The following RBPMS variants were observed in gnomAD, a reference collection of about 807,000 sequenced individuals.
RBPMS encodes the protein RNA-binding protein with multiple splicing.
A neutral mutation model predicts 26.8 loss-of-function variants in RBPMS; 7 were observed. The observed-to-expected ratio is 0.26, with a 90% CI of 0.15 to 0.49. RBPMS has a LOEUF of 0.49. Ranked by LOEUF, RBPMS falls within the 20% of genes least tolerant of loss-of-function variation. The probability of loss-of-function intolerance (pLI) is 0.98; values close to 1 mark genes in which losing one functional copy is unlikely to be tolerated. For missense variants in RBPMS, 186 were observed against 250.0 expected (o/e 0.74, Z 1.73); for synonymous variants, 96 against 93.3 (o/e 1.03, Z -0.17).
Position 30,479,315 on chromosome 8 carries a change from C to A in RBPMS, c.184C>A (p.Pro62Thr). 2 of 1,605,814 alleles carry A rather than the reference C, an allele frequency of 1.2e-6. No homozygotes were observed. Among genetic ancestry groups the A allele is most frequent in the Non-Finnish European group, 1.7e-6 (2 of 1,176,348 alleles). The part of the protein sequence containing the change: ...GSLIKLTSKQ[P>T]VGFVSFDSRS... ...TCATATTTCTCTTTTTTTTTCTCAG[C>A]CTGTAGGTTTTGTCAGTTTTGACAG... Residue 62 changes from proline to threonine, a missense_variant and splice_region_variant, in exon 4 of 9, where the codon CCT becomes ACT. Pro to Thr is a conservative substitution (Grantham distance 38). This residue lies in a region of RBPMS where 50 missense variants were observed against 108.5 expected (regional missense o/e 0.46). Coordinates refer to ENST00000397323, the MANE Select transcript of RBPMS (RefSeq NM_001008710.3).
At chr8:30,468,528 C>T (rs1300493677) in intron 1 of RBPMS, among the ~76,000 whole-genome samples, 1 of 152,098 alleles carries the variant, frequency 6.6e-6, no homozygotes, top group African/African-American at 2.4e-5. Flanking sequence ...GAAATGCCAT[C>T]TTATTTTGCT....
chr8:30,483,231 C>T (rs1818455755), intron 4 of RBPMS, among the ~76,000 whole-genome samples: 1 of 152,134 alleles, frequency 6.6e-6, no homozygotes, highest in Non-Finnish European at 1.5e-5. Flanking sequence ...GGAAATTGGT[C>T]ATTACTTTAA....
At chr8:30,553,069 A>T (rs1826530429) in intron 6 of RBPMS, 1 of 152,284 alleles carries the variant, frequency 6.6e-6, no homozygotes, top group Non-Finnish European at 1.5e-5. Flanking sequence ...GGACCAAGTC[A>T]TACAAATCTT....
intron 1 of RBPMS, among the ~76,000 whole-genome samples, chr8:30,467,612 A>G (rs1291618287): frequency 2.6e-5 from 4 of 152,174 alleles, no homozygotes; most frequent in African/African-American, 9.7e-5. Context: ...TCCTGGGGCA[A>G]CCTTAGTCAC....
chr8:30,495,598 A>C (rs574590681), intron 4 of RBPMS, among the ~76,000 whole-genome samples: 1 of 152,330 alleles, frequency 6.6e-6, no homozygotes, highest in East Asian at 1.9e-4. Context: ...CAGGGCAAGC[A>C]CTGGGAGGTA....
intron 1 of RBPMS, among the ~76,000 whole-genome samples, chr8:30,429,927 CT>C (rs1239211676): frequency 6.6e-6 from 1 of 152,144 alleles, no homozygotes; most frequent in Non-Finnish European, 1.5e-5. Flanking sequence ...TGGAAAAATA[CT>C]TTTGATTATA....
chr8:30,556,507 T>A, intron 6 of RBPMS: 1 of 985,866 alleles, frequency 1.0e-6, no homozygotes, highest in South Asian at 4.7e-5. Flanking sequence ...CGGGCAGCCC[T>A]CCCCCTCCTG....
chr8:30,528,747 G>A (rs1194569961), intron 5 of RBPMS, among the ~76,000 whole-genome samples: 1 of 152,118 alleles, frequency 6.6e-6, no homozygotes, highest in Non-Finnish European at 1.5e-5. Context: ...GTCACATTTG[G>A]TAAGCTGCTC....
At chr8:30,545,535 T>C in intron 6 of RBPMS, 1 of 769,110 alleles carries the variant, frequency 1.3e-6, no homozygotes, top group Non-Finnish European at 1.6e-6. Flanking sequence ...TTTTTAAAAA[T>C]TATTAGGCTG....
intron 1 of RBPMS, among the ~76,000 whole-genome samples, chr8:30,423,792 GT>G (rs1307186320): frequency 1.3e-5 from 2 of 151,034 alleles, no homozygotes; most frequent in African/African-American, 4.9e-5. Flanking sequence ...TTTAAACTAG[GT>G]TTGTATTACA....
At chr8:30,545,068 G>A in intron 6 of RBPMS, 1 of 1,380,434 alleles carries the variant, frequency 7.2e-7, no homozygotes, top group Non-Finnish European at 9.4e-7. Flanking sequence ...ACGGTGAGAA[G>A]AATCTCTGAC....
chr8:30,516,599 G>C (rs1017960546), intron 5 of RBPMS, among the ~76,000 whole-genome samples: 2 of 152,022 alleles, frequency 1.3e-5, no homozygotes. Flanking sequence ...CACAATACCA[G>C]TTCCAAATGT....
intron 1 of RBPMS, among the ~76,000 whole-genome samples, chr8:30,452,281 C>A (rs770675697): frequency 5.3e-5 from 8 of 152,150 alleles, no homozygotes; most frequent in Admixed American, 1.3e-4. Context: ...TACGGGAGAA[C>A]TGGAAGCAAT....
chr8:30,425,142 C>T (rs11783338), intron 1 of RBPMS, among the ~76,000 whole-genome samples: 61,031 of 151,410 alleles, frequency 0.4, 14,336 homozygotes, highest in East Asian at 0.72. Flanking sequence ...GTTTTTGTAG[C>T]GACAAAGTCT....
intron 2 of RBPMS, 45 bp downstream of exon 2, chr8:30,474,901 C>T: frequency 8.0e-7 from 1 of 1,256,484 alleles, no homozygotes; most frequent in Non-Finnish European, 1.2e-6. Context: ...AGACAAAAGT[C>T]TGTATGCTTT....
At chr8:30,478,553 G>A (rs1817939678) in intron 3 of RBPMS, among the ~76,000 whole-genome samples, 1 of 149,406 alleles carries the variant, frequency 6.7e-6, no homozygotes, top group Non-Finnish European at 1.5e-5. Context: ...AGGCTGGAGT[G>A]CAGTGGCGCG....
chr8:30,532,485 G>A (rs114261989), intron 5 of RBPMS, among the ~76,000 whole-genome samples: 1 of 152,142 alleles, frequency 6.6e-6, no homozygotes, highest in East Asian at 1.9e-4. Flanking sequence ...TAATGAACTA[G>A]GTGTTAGTTT....
At chr8:30,545,233 A>T in intron 6 of RBPMS, 22 of 1,244,802 alleles carry the variant, frequency 1.8e-5, no homozygotes, top group Non-Finnish European at 2.3e-5. Flanking sequence ...AGAGATCTCT[A>T]TTCTGACCAG....
intron 1 of RBPMS, among the ~76,000 whole-genome samples, chr8:30,438,679 AATG>A (rs1488112076): frequency 1.3e-5 from 2 of 152,200 alleles, no homozygotes; most frequent in African/African-American, 4.8e-5. Context: ...TCTTTGCAAT[AATG>A]ATATTATTAG....
Sources: gnomAD v4.1 joint callset for allele counts (sites outside exome capture counted in the v4.1 genomes callset) on GRCh38, gnomAD v4.1.1 for gene constraint, gnomAD v4.1.1 regional missense constraint, MANE v1.5 for transcripts, NCBI Gene and HGNC (gene_info 2026-07-23, HGNC 2026-07-21) for gene names.